The following LYRM4 variants were observed in gnomAD, a reference collection of about 807,000 sequenced individuals.
LYRM4 encodes LYR motif-containing protein 4.
LYRM4 carries 9 observed loss-of-function variants against 11.7 expected under a neutral mutation model. The ratio of observed to expected loss-of-function variants is 0.77; its 90% CI spans 0.46 to 1.34. The LOEUF is 1.34. Ranked by LOEUF, LYRM4 falls within the 40% of genes most tolerant of loss-of-function variation. LYRM4 has a pLI of 0.00. For synonymous variants in LYRM4, 42 were observed against 40.4 expected (o/e 1.04, Z -0.15); for missense variants, 133 against 112.5 (o/e 1.18, Z -0.82).
At chr6:5,139,658 G>A (rs983953779) in intron 2 of LYRM4, among the ~76,000 whole-genome samples, 2 of 152,158 alleles carry the variant, frequency 1.3e-5, no homozygotes, top group Non-Finnish European at 2.9e-5. Flanking sequence ...TGATCACTGA[G>A]CTTTGGCTAT....
chr6:5,243,277 C>T (rs962043013), intron 1 of LYRM4, among the ~76,000 whole-genome samples: 15 of 152,200 alleles, frequency 9.9e-5, no homozygotes, highest in African/African-American at 3.6e-4. Flanking sequence ...ATGCCCGGGG[C>T]GCACAGCGTG....
chr6:5,179,647 C>A (rs1352706364), intron 2 of LYRM4, among the ~76,000 whole-genome samples: 1 of 152,094 alleles, frequency 6.6e-6, no homozygotes. Flanking sequence ...ACGTATAGAC[C>A]ACATTTGTTT....
In LYRM4 at chr6:5,214,259, CT is replaced by C. The variant is rs59230446; in HGVS notation, c.207+2358del. Among the ~76,000 whole-genome samples, 161 of 152,254 alleles carry C rather than the reference CT, an allele frequency of 1.1e-3. 1 individual carries two copies. In the East Asian group the frequency reaches 0.029, roughly 27 times the overall value. On this transcript the variant is annotated intron_variant, in intron 2 of 2. Transcript: ENST00000330636. ...AGATAGTGTGGTCCCAGGGGGGCCC[CT>C]ATGGGAAGGTGAAATCTGAGCACAG...
chr6:5,086,209 T>C, the LYRM4 span: 1 of 1,534,876 alleles, frequency 6.5e-7, no homozygotes, highest in South Asian at 1.2e-5. Context: ...GGTGCTCAGC[T>C]GCCCTGGGCC....
the LYRM4 span, among the ~76,000 whole-genome samples, chr6:5,093,591 T>G: frequency 2.0e-5 from 3 of 152,280 alleles, no homozygotes; most frequent in Admixed American, 6.5e-5. Context: ...CCAGCTATAA[T>G]TTGCCACTTT....
chr6:5,085,238 C>T, the LYRM4 span: 2 of 463,100 alleles, frequency 4.3e-6, no homozygotes, highest in Non-Finnish European at 3.8e-6. Context: ...GCAGGTTCAA[C>T]CGGGAGGCGG....
intron 2 of LYRM4, among the ~76,000 whole-genome samples, chr6:5,120,317 T>A (rs953230672): frequency 6.6e-6 from 1 of 152,120 alleles, no homozygotes; most frequent in African/African-American, 2.4e-5. Context: ...TGGGCACACA[T>A]GTTAAGGCAG....
At chr6:5,178,021 A>C (rs1297724213) in intron 2 of LYRM4, among the ~76,000 whole-genome samples, 1 of 151,942 alleles carries the variant, frequency 6.6e-6, no homozygotes, top group Non-Finnish European at 1.5e-5. Flanking sequence ...CTAAGTATTT[A>C]ATTACTTGTG....
chr6:5,086,531 TGCGCTACGC>T, the LYRM4 span: 1 of 1,531,622 alleles, frequency 6.5e-7, no homozygotes, highest in Non-Finnish European at 8.8e-7. Context: ...AACTACACGC[TGCGCTACGC>T]GCGCCCTGCG....
the LYRM4 span, chr6:5,086,720 G>A: frequency 1.6e-6 from 1 of 638,072 alleles, no homozygotes; most frequent in Non-Finnish European, 2.7e-6. Context: ...CCGTCGACTC[G>A]CACCCCCGCA....
Position 5,108,746 on chromosome 6 carries a change from C to A in LYRM4, c.*677G>T. ...CTCATTCACCAGGTGTGGGGAGGGG[C>A]TTGAGCCTGCATTTCCAGCAAATTC... On this transcript the variant is annotated 3_prime_UTR_variant, in exon 3 of 3. Transcript: ENST00000330636. 2.0e-6 allele frequency: 2 copies of A among 977,832 alleles called. No homozygotes were observed. The highest frequency in any genetic ancestry group is 2.4e-6 in the Non-Finnish European group (2 of 822,536). 60.6% of individuals were successfully genotyped at this position (977,832 alleles called of 1,614,324 possible).
intron 2 of LYRM4, among the ~76,000 whole-genome samples, chr6:5,195,334 G>C (rs1430294850): frequency 6.6e-6 from 1 of 152,134 alleles, no homozygotes; most frequent in African/African-American, 2.4e-5. Flanking sequence ...TATCAGGCCG[G>C]GTATGGTGGC....
At chr6:5,050,250 C>T in the LYRM4 span, among the ~76,000 whole-genome samples, 13 of 152,364 alleles carry the variant, frequency 8.5e-5, no homozygotes, top group East Asian at 9.6e-4. Flanking sequence ...AGCTCAGTAG[C>T]AGCTGTCACC....
intron 1 of LYRM4, among the ~76,000 whole-genome samples, chr6:5,224,248 C>G (rs375598598): frequency 6.6e-6 from 1 of 152,094 alleles, no homozygotes; most frequent in East Asian, 1.9e-4. Flanking sequence ...AAATTAGTGG[C>G]ATAAAACAAT....
intron 2 of LYRM4, chr6:5,138,585 T>C (rs925862270): frequency 3.9e-6 from 2 of 512,334 alleles, no homozygotes; most frequent in East Asian, 3.8e-5. Context: ...GTTTTTTTTA[T>C]GAATGATTTC....
the LYRM4 span, among the ~76,000 whole-genome samples, chr6:5,053,720 G>T: frequency 6.6e-6 from 1 of 152,054 alleles, no homozygotes; most frequent in Non-Finnish European, 1.5e-5. Context: ...TTTTTGTATT[G>T]TTTCCAAGTT....
At chr6:5,223,785 G>C (rs1018192670) in intron 1 of LYRM4, among the ~76,000 whole-genome samples, 1 of 152,202 alleles carries the variant, frequency 6.6e-6, no homozygotes, top group East Asian at 1.9e-4. Flanking sequence ...ATGGAGGCTC[G>C]TGGAGTGGCA....
At chr6:5,256,191 T>G (rs1253797199) in intron 1 of LYRM4, among the ~76,000 whole-genome samples, 1 of 151,974 alleles carries the variant, frequency 6.6e-6, no homozygotes, top group African/African-American at 2.4e-5. Flanking sequence ...AAGACAAAAT[T>G]TAAGAATGTG....
the LYRM4 span, among the ~76,000 whole-genome samples, chr6:5,061,175 G>C: frequency 2.0e-5 from 3 of 152,146 alleles, no homozygotes; most frequent in Non-Finnish European, 4.4e-5. Flanking sequence ...ACTTCTTAGT[G>C]TTTAATTTTT....
Sources: gnomAD v4.1 joint callset for allele counts (sites outside exome capture counted in the v4.1 genomes callset) on GRCh38, gnomAD v4.1.1 for gene constraint, MANE v1.5 for transcripts, NCBI Gene and HGNC (gene_info 2026-07-23, HGNC 2026-07-21) for gene names.